The following LYRM4 variants were observed in gnomAD, a reference collection of about 807,000 sequenced individuals.
LYRM4 encodes the protein LYR motif-containing protein 4.
LYRM4 carries 9 observed loss-of-function variants against 11.7 expected under a neutral mutation model. The observed-to-expected ratio is 0.77, with a 90% CI of 0.46 to 1.34. The LOEUF (loss-of-function observed/expected upper bound fraction) is 1.34, where lower values mean the gene tolerates loss of function less well. LYRM4 is among the 40% of genes most tolerant of loss of function. The pLI is 0.00. For missense variants in LYRM4, 133 were observed against 112.5 expected (o/e 1.18, Z -0.82); for synonymous variants, 42 against 40.4 (o/e 1.04, Z -0.15).
At chr6:5,144,837 C>T (rs901233810) in intron 2 of LYRM4, among the ~76,000 whole-genome samples, 10 of 152,100 alleles carry the variant, frequency 6.6e-5, no homozygotes, top group African/African-American at 2.4e-4. Context: ...AATCCCTTCC[C>T]GCAGGTGTTT....
rs556900691 is a variant in LYRM4, at chr6:5,150,719, C to T, written c.208-41228G>A. On this transcript the variant is annotated intron_variant, in intron 2 of 2. Transcript: ENST00000330636. Reference sequence around the variant, plus strand: ...CGAGCCTCCAGCTCTCCCCTGCAAGCGTGTAACCGCTGCATGCTCAGGCTC... The same window carrying T: ...CGAGCCTCCAGCTCTCCCCTGCAAGTGTGTAACCGCTGCATGCTCAGGCTC... 8.5e-5 allele frequency among the ~76,000 whole-genome samples: 13 copies of T among 152,338 alleles called. No individual in the cohort carries two copies. The East Asian group carries it at 1.2e-3, about 14-fold the overall frequency.
At chr6:5,068,099 ACT>A in the LYRM4 span, among the ~76,000 whole-genome samples, 1 of 152,120 alleles carries the variant, frequency 6.6e-6, no homozygotes, top group East Asian at 1.9e-4. The surrounding 1 kb of genome is among the most constrained non-coding windows in gnomAD (Gnocchi z 4.0). Flanking sequence ...TCTTGCCCAC[ACT>A]CTGATTGATT....
intron 2 of LYRM4, chr6:5,144,088 A>G: frequency 6.7e-7 from 1 of 1,502,726 alleles, no homozygotes; most frequent in African/African-American, 1.4e-5. Context: ...AAATGCTTAG[A>G]GAGGTGAGAG....
chr6:5,076,816 C>T, the LYRM4 span, among the ~76,000 whole-genome samples: 1 of 152,186 alleles, frequency 6.6e-6, no homozygotes, highest in African/African-American at 2.4e-5. Context: ...TGAGAAGCAT[C>T]GATCTAGTCA....
At chr6:5,037,578 A>G in the LYRM4 span, among the ~76,000 whole-genome samples, 3 of 79,412 alleles carry the variant, frequency 3.8e-5, no homozygotes, top group African/African-American at 7.2e-5. Flanking sequence ...ACTTCCCAGT[A>G]GGGGCGGCCG....
At chr6:5,147,339 G>C (rs1413351919) in intron 2 of LYRM4, among the ~76,000 whole-genome samples, 1 of 152,178 alleles carries the variant, frequency 6.6e-6, no homozygotes, top group Non-Finnish European at 1.5e-5. Context: ...TCTAGCTAAA[G>C]TCACTGATGT....
At chr6:5,174,150 A>G (rs1759585462) in intron 2 of LYRM4, among the ~76,000 whole-genome samples, 2 of 151,942 alleles carry the variant, frequency 1.3e-5, no homozygotes, top group Admixed American at 6.6e-5. Context: ...GATTCTCTGG[A>G]AACATTCTCT....
the LYRM4 span, chr6:5,034,762 T>TAAAGACTGACAATAAATGC: frequency 2.5e-4 from 3 of 12,094 alleles, no homozygotes; most frequent in Non-Finnish European, 8.2e-4. Context: ...GCTTTTTTTT[T>TAAAGACTGACAATAAATGC]TTTTTTTTCA....
At chr6:5,147,396 A>T (rs1361950259) in intron 2 of LYRM4, among the ~76,000 whole-genome samples, 1 of 152,202 alleles carries the variant, frequency 6.6e-6, no homozygotes, top group Admixed American at 6.5e-5. Context: ...AACGTACCTA[A>T]TTAGGCTACC....
the LYRM4 span, chr6:5,085,457 C>T: frequency 1.3e-6 from 2 of 1,497,090 alleles, no homozygotes; most frequent in African/African-American, 1.4e-5. Context: ...CCCGGTTCGG[C>T]CCGAGCAAGT....
chr6:5,260,531 G>C, intron 1 of LYRM4, 117 bp downstream of exon 1: 1 of 1,385,132 alleles, frequency 7.2e-7, no homozygotes, highest in Non-Finnish European at 9.7e-7. Context: ...TCCTTGCCTC[G>C]CAGCCGCCGG....
intron 2 of LYRM4, among the ~76,000 whole-genome samples, chr6:5,139,397 T>C (rs1186534752): frequency 6.6e-6 from 1 of 152,270 alleles, no homozygotes; most frequent in Non-Finnish European, 1.5e-5. Context: ...CAGGTCACAC[T>C]GTATTTACAA....
intron 2 of LYRM4, among the ~76,000 whole-genome samples, chr6:5,182,442 C>G (rs1760131133): frequency 6.6e-6 from 1 of 152,284 alleles, no homozygotes; most frequent in Non-Finnish European, 1.5e-5. Flanking sequence ...AGCTTTTAAT[C>G]AATGCTTAAA....
downstream of LYRM4, chr6:5,103,785 C>A (rs1178504057): frequency 6.6e-6 from 1 of 151,950 alleles, no homozygotes; most frequent in South Asian, 2.1e-4. Flanking sequence ...CAGGCGCCCA[C>A]TGCCACGCCT....
At chr6:5,130,791 T>C (rs903884563) in intron 2 of LYRM4, among the ~76,000 whole-genome samples, 6 of 151,912 alleles carry the variant, frequency 3.9e-5, no homozygotes, top group African/African-American at 1.5e-4. Context: ...ATGCTTCTAA[T>C]TATAAACATT....
chr6:5,108,185 T>C (rs425930), downstream of LYRM4: 30,811 of 152,202 alleles, frequency 0.2, 3,612 homozygotes, highest in African/African-American at 0.31. Flanking sequence ...CTCACTCCCA[T>C]GACCGTCGGA....
chr6:5,110,280 C>T (rs759921269), intron 2 of LYRM4, among the ~76,000 whole-genome samples: 11 of 110,980 alleles, frequency 9.9e-5, no homozygotes, highest in African/African-American at 1.9e-4. Context: ...ATGGGTAATT[C>T]GGGGTGAGTA....
chr6:5,084,746 C>G, the LYRM4 span: 2 of 152,168 alleles, frequency 1.3e-5, no homozygotes, highest in African/African-American at 4.8e-5. Flanking sequence ...CGCGCCTGAC[C>G]GAGTCAGGCT....
intron 2 of LYRM4, among the ~76,000 whole-genome samples, chr6:5,122,506 C>T (rs909676164): frequency 6.6e-6 from 1 of 152,138 alleles, no homozygotes; most frequent in Non-Finnish European, 1.5e-5. Flanking sequence ...TGATTGCTGG[C>T]CTCTTTAAAT....
Sources: allele counts gnomAD v4.1 joint callset (sites outside exome capture counted in the v4.1 genomes callset), GRCh38; gene constraint gnomAD v4.1.1; non-coding constraint Gnocchi (gnomAD v3.1); transcripts MANE v1.5; gene names NCBI Gene and HGNC (gene_info 2026-07-23, HGNC 2026-07-21).